Variants in BDH1 observed in about 807,000 individuals in gnomAD.
BDH1 encodes the protein D-beta-hydroxybutyrate dehydrogenase, mitochondrial.
A neutral mutation model predicts 33.1 loss-of-function variants in BDH1; 30 were observed. The ratio of observed to expected loss-of-function variants is 0.91; its 90% CI spans 0.68 to 1.23. BDH1 has a LOEUF of 1.23. Among genes scored for constraint, BDH1 ranks in the 50% most tolerant of loss-of-function variants. The pLI is 0.00. For missense variants in BDH1, 443 were observed against 464.4 expected, an observed-to-expected ratio of 0.95 and a Z score of 0.42; for synonymous variants, 190 against 183.6, an observed-to-expected ratio of 1.03 and a Z score of -0.28.
chr3:197,545,547 TC>T (rs369308574), intron 3 of BDH1, among the ~76,000 whole-genome samples: 356 of 152,186 alleles, frequency 2.3e-3, no homozygotes, highest in African/African-American at 8.0e-3. Context: ...TGAAGACCTG[TC>T]CCCGGCAGGA....
In BDH1 at chr3:197,528,583, C is replaced by G. The variant is rs1317201326; in HGVS notation, c.267+3829G>C. ...AACCCCCACGGTGCCTTATCCAAAGCCTCTGGTGGTGCTAACTGCTTTCTG... is the reference window on the plus strand; with the variant it reads ...AACCCCCACGGTGCCTTATCCAAAGGCTCTGGTGGTGCTAACTGCTTTCTG... On this transcript the variant is annotated intron_variant, in intron 5 of 7. Transcript: ENST00000392379. The surrounding 1 kb of genome is among the most constrained non-coding windows in gnomAD (Gnocchi z 5.1). 2.6e-5 allele frequency: 4 copies of G among 152,206 alleles called. No individual in the cohort carries two copies. Among genetic ancestry groups the G allele is most frequent in the Non-Finnish European group, 5.9e-5 (4 of 68,070 alleles). 9.4% of individuals were successfully genotyped at this position (152,206 alleles called of 1,614,324 possible). A position where few individuals can be genotyped will look rare whatever the true frequency, so the allele number is the denominator to read the frequency against.
intron 5 of BDH1, among the ~76,000 whole-genome samples, chr3:197,531,246 A>C (rs1714614460): frequency 6.6e-6 from 1 of 151,586 alleles, no homozygotes. Context: ...AAATACAAAA[A>C]TTAGGTGGGC....
rs537765083 is a variant in BDH1 at position 197,516,733 on chromosome 3, C to T, written c.410-2317G>A. ...CTCCTCCTCTTTGTTAATGATTTTACTTTTGTCTGTGACTCCTCCAGCTCC... is the reference window on the plus strand; with the variant it reads ...CTCCTCCTCTTTGTTAATGATTTTATTTTTGTCTGTGACTCCTCCAGCTCC... On this transcript the variant is annotated intron_variant, in intron 6 of 7. Transcript: ENST00000392379. This position sits in a 1 kb window ranked among gnomAD's most constrained non-coding sequence, Gnocchi z 4.2. Among the ~76,000 whole-genome samples, 1 of 152,214 alleles carries T rather than the reference C, an allele frequency of 6.6e-6. No individual in the cohort carries two copies. The highest frequency in any genetic ancestry group is 1.5e-5 in the Non-Finnish European group (1 of 68,000).
At position 197,522,771 on chromosome 3, in the gene BDH1, T is replaced by C. The variant is rs746067625; in HGVS notation, c.278A>G (p.His93Arg). The change falls in exon 6 of 8, where the codon CAT becomes CGT. Residue 93 changes from histidine to arginine, a missense_variant. Transcript: ENST00000392379. The surrounding 1 kb of genome is among the most constrained non-coding windows in gnomAD (Gnocchi z 4.8). ...GCTGTCCAGCTCCTTGACCCCATCA[T>C]GGCCTTTGTCCTGGGGAGGAGAGAA... Reference protein sequence around the residue: ...FAGCLMKDKGHDGVKELDSLN... With the variant: ...FAGCLMKDKGRDGVKELDSLN... 4 of 1,614,036 alleles carry C rather than the reference T, an allele frequency of 2.5e-6. No homozygotes were observed. The highest frequency in any genetic ancestry group is 1.7e-6 in the Non-Finnish European group (2 of 1,179,958).
chr3:197,514,625 A>G lies in BDH1; in HGVS notation c.410-209T>C, dbSNP rs1712492937. Among the ~76,000 whole-genome samples, 1 of 151,980 alleles carries G rather than the reference A, an allele frequency of 6.6e-6. No individual in the cohort carries two copies. The highest frequency in any genetic ancestry group is 2.4e-5 in the African/African-American group (1 of 41,370). ...GACTGCAGCCCTCCCTTGCGTCTAG[A>G]ATGTCCAGTCCTCACGTCACATCTG... On this transcript the variant is annotated intron_variant, in intron 6 of 7. Coordinates refer to ENST00000392379, the MANE Select transcript of BDH1 (RefSeq NM_203314.3). This position sits in a 1 kb window ranked among gnomAD's most constrained non-coding sequence, Gnocchi z 4.2.
chr3:197,563,480 C>A (rs954197714), intron 1 of BDH1, among the ~76,000 whole-genome samples: 4 of 152,128 alleles, frequency 2.6e-5, no homozygotes, highest in Non-Finnish European at 5.9e-5. Context: ...ATCTTTTTCA[C>A]GTCTCTGTTA....
chr3:197,538,290 T>A (rs111725286), intron 3 of BDH1: 6 of 456,630 alleles, frequency 1.3e-5, no homozygotes, highest in Admixed American at 7.0e-5. Flanking sequence ...GGAAAAGAGA[T>A]GGGAGATAGA....
At chr3:197,564,023 A>G (rs1338670372) in intron 1 of BDH1, among the ~76,000 whole-genome samples, 1 of 150,930 alleles carries the variant, frequency 6.6e-6, no homozygotes, top group Non-Finnish European at 1.5e-5. Flanking sequence ...AATTGCTTGA[A>G]CCCAGGAAGC....
chr3:197,532,043 G>T (rs915076910), intron 5 of BDH1, among the ~76,000 whole-genome samples: 1 of 152,026 alleles, frequency 6.6e-6, no homozygotes, highest in African/African-American at 2.4e-5. Context: ...GAACATTCTC[G>T]CACACCCCTG....
chr3:197,512,688 A>C (rs1413777680), intron 7 of BDH1, among the ~76,000 whole-genome samples: 1 of 152,182 alleles, frequency 6.6e-6, no homozygotes, highest in African/African-American at 2.4e-5. Flanking sequence ...ACACGAGGGG[A>C]GAAGTGGGAG....
chr3:197,540,826 C>A (rs1715550441), intron 3 of BDH1, among the ~76,000 whole-genome samples: 1 of 152,184 alleles, frequency 6.6e-6, no homozygotes, highest in African/African-American at 2.4e-5. Flanking sequence ...GGCTCTACCA[C>A]TTATACCCAA....
intron 6 of BDH1, among the ~76,000 whole-genome samples, chr3:197,517,248 C>CCT (rs1386179854): frequency 7.8e-6 from 1 of 128,380 alleles, no homozygotes; most frequent in Non-Finnish European, 1.7e-5. Flanking sequence ...CTCAGGCCGA[C>CCT]CCCCGCATCA....
At position 197,516,011 on chromosome 3, in the gene BDH1, G is replaced by A. The variant is rs1030884715; in HGVS notation, c.410-1595C>T. On this transcript the variant is annotated intron_variant, in intron 6 of 7. Coordinates refer to ENST00000392379, the MANE Select transcript of BDH1 (RefSeq NM_203314.3). This position sits in a 1 kb window ranked among gnomAD's most constrained non-coding sequence, Gnocchi z 4.2. ...GACCACGCAGTCTCCAGGGTCTCCAGGGTGGTACACCAAGGACCTCACCCC... is the reference window on the plus strand; with the variant it reads ...GACCACGCAGTCTCCAGGGTCTCCAAGGTGGTACACCAAGGACCTCACCCC... 2.0e-5 allele frequency: 3 copies of A among 152,872 alleles called. No individual in the cohort carries two copies. The highest frequency in any genetic ancestry group is 7.2e-5 in the African/African-American group (3 of 41,438). 9.5% of individuals were successfully genotyped at this position (152,872 alleles called of 1,614,324 possible). A position where few individuals can be genotyped will look rare whatever the true frequency, so the allele number is the denominator to read the frequency against.
At chr3:197,527,453 C>T (rs1714206883) in intron 5 of BDH1, among the ~76,000 whole-genome samples, 1 of 152,154 alleles carries the variant, frequency 6.6e-6, no homozygotes, top group Non-Finnish European at 1.5e-5. Flanking sequence ...TTTTCCCAGC[C>T]CACCAGGGCA....
intron 1 of BDH1, among the ~76,000 whole-genome samples, chr3:197,565,627 T>G (rs541420295): frequency 6.6e-6 from 1 of 152,336 alleles, no homozygotes; most frequent in South Asian, 2.1e-4. Context: ...TTGATATGAC[T>G]TAATGTACAT....
chr3:197,540,876 G>A (rs1411661968), intron 3 of BDH1, among the ~76,000 whole-genome samples: 3 of 152,126 alleles, frequency 2.0e-5, no homozygotes, highest in African/African-American at 4.8e-5. Flanking sequence ...AGAGCAGAAG[G>A]TTCTATCTCG....
At chr3:197,565,468 G>C (rs1236528393) in intron 1 of BDH1, among the ~76,000 whole-genome samples, 1 of 151,940 alleles carries the variant, frequency 6.6e-6, no homozygotes, top group African/African-American at 2.4e-5. Context: ...GTTTCCTGAA[G>C]TCCAAAATGA....
At chr3:197,533,350 G>GGA (rs1323405969) in intron 4 of BDH1, 139 bp downstream of exon 4, 1 of 825,098 alleles carries the variant, frequency 1.2e-6, no homozygotes, top group African/African-American at 1.7e-5. Context: ...GGGCTTTGGG[G>GGA]GAGGGTTAAG....
intron 3 of BDH1, among the ~76,000 whole-genome samples, chr3:197,537,031 T>G (rs551475062): frequency 2.6e-5 from 4 of 152,178 alleles, no homozygotes; most frequent in Non-Finnish European, 5.9e-5. Flanking sequence ...CTCTGTTGCC[T>G]AGGCTGGAGT....
Sources: allele counts gnomAD v4.1 joint callset (sites outside exome capture counted in the v4.1 genomes callset), GRCh38; gene constraint gnomAD v4.1.1; non-coding constraint Gnocchi (gnomAD v3.1); transcripts MANE v1.5; gene names NCBI Gene and HGNC (gene_info 2026-07-23, HGNC 2026-07-21).